RARB: variants seen among roughly 807,000 people sequenced by gnomAD.
RARB encodes retinoic acid receptor beta.
A neutral mutation model predicts 51.9 loss-of-function variants in RARB; 17 were observed. That is an observed-to-expected ratio of 0.33 (90% CI 0.22 to 0.49). The LOEUF is 0.49. Ranked by LOEUF, RARB falls within the 20% of genes least tolerant of loss-of-function variation. RARB has a pLI of 0.99. For synonymous variants in RARB, 215 were observed against 195.4 expected (o/e 1.10, Z -0.84); for missense variants, 369 against 550.8 (o/e 0.67, Z 3.30).
chr3:25,210,447 A>T (rs1701664060), intron 5 of RARB, among the ~76,000 whole-genome samples: 1 of 150,282 alleles, frequency 6.7e-6, no homozygotes, highest in African/African-American at 2.4e-5. Flanking sequence ...CTTATGTGTT[A>T]TATATGGGTG....
At chr3:25,328,200 C>G (rs554599529) in intron 5 of RARB, among the ~76,000 whole-genome samples, 1 of 152,304 alleles carries the variant, frequency 6.6e-6, no homozygotes, top group African/African-American at 2.4e-5. Flanking sequence ...ACCTAGAGAT[C>G]AGGATAAACG....
intron 5 of RARB, among the ~76,000 whole-genome samples, chr3:25,365,524 C>T (rs1706092188): frequency 6.6e-6 from 1 of 152,098 alleles, no homozygotes. Flanking sequence ...ACCATTTATT[C>T]TGCTCACAGA....
chr3:25,216,146 C>A (rs1387258005), intron 5 of RARB, among the ~76,000 whole-genome samples: 1 of 152,140 alleles, frequency 6.6e-6, no homozygotes, highest in African/African-American at 2.4e-5. Context: ...CCTCAAACCA[C>A]CACCCATGGA....
At chr3:25,028,059 T>G (rs1697789411) in intron 2 of RARB, among the ~76,000 whole-genome samples, 1 of 152,184 alleles carries the variant, frequency 6.6e-6, no homozygotes, top group Non-Finnish European at 1.5e-5. Flanking sequence ...CACATTGTTA[T>G]CGGAGACATA....
intron 5 of RARB, among the ~76,000 whole-genome samples, chr3:25,377,845 A>AT (rs1237558873): frequency 6.6e-6 from 1 of 152,168 alleles, no homozygotes; most frequent in East Asian, 1.9e-4. Flanking sequence ...AATGGGGAAA[A>AT]TGAGGCCCTC....
In RARB at chr3:25,330,309, G is replaced by C. The variant is rs146987303; in HGVS notation, c.179-130884G>C. On this transcript the variant is annotated intron_variant, in intron 5 of 11. Transcript: ENST00000383772. Reference sequence around the variant, plus strand: ...AAGGGAAGCCCATCAGACTAACAGCGGATCTCTCGGCAGACACTCTGCAAG... The same window carrying C: ...AAGGGAAGCCCATCAGACTAACAGCCGATCTCTCGGCAGACACTCTGCAAG... Among the ~76,000 whole-genome samples, 285 of 152,230 alleles carry C rather than the reference G, an allele frequency of 1.9e-3. 1 individual carries two copies. Among genetic ancestry groups the C allele is most frequent in the African/African-American group, 6.6e-3 (275 of 41,516 alleles).
chr3:25,024,318 T>A (rs542597569), intron 2 of RARB, among the ~76,000 whole-genome samples: 12 of 152,206 alleles, frequency 7.9e-5, no homozygotes, highest in African/African-American at 2.9e-4. Context: ...TGACTGTTAG[T>A]TAATAAAACT....
intron 5 of RARB, among the ~76,000 whole-genome samples, chr3:25,357,167 C>A (rs1042640663): frequency 6.6e-6 from 1 of 152,194 alleles, no homozygotes; most frequent in African/African-American, 2.4e-5. Context: ...CACATCCTCT[C>A]CAGCATCTGT....
At chr3:25,501,367 C>G in intron 3 of RARB, 44 bp downstream of exon 3, 1 of 1,596,400 alleles carries the variant, frequency 6.3e-7, no homozygotes, top group East Asian at 2.3e-5. Context: ...TTCCTTATCT[C>G]TGTGATTTGC....
Position 25,589,747 on chromosome 3 carries a change from T to G in RARB, c.787-3756T>G, listed in dbSNP as rs183729544. 4.6e-5 allele frequency among the ~76,000 whole-genome samples: 7 copies of G among 152,358 alleles called. No individual in the cohort carries two copies. The East Asian group carries it at 1.4e-3, about 29-fold the overall frequency. Reference sequence around the variant, plus strand: ...TTTTTGCCCTGAGGAGGATCAACTTTGACCATCAACTGGAGCTTTGTGTTG... The same window carrying G: ...TTTTTGCCCTGAGGAGGATCAACTTGGACCATCAACTGGAGCTTTGTGTTG... On this transcript the variant is annotated intron_variant, in intron 5 of 7. Transcript: ENST00000330688.
chr3:25,189,154 T>G (rs566395668), intron 5 of RARB, among the ~76,000 whole-genome samples: 1 of 152,168 alleles, frequency 6.6e-6, no homozygotes, highest in Non-Finnish European at 1.5e-5. Flanking sequence ...TGTTTGTGTT[T>G]TTAATATCAT....
chr3:24,993,500 TATC>T (rs752119457), intron 2 of RARB, among the ~76,000 whole-genome samples: 9 of 152,184 alleles, frequency 5.9e-5, no homozygotes, highest in East Asian at 3.8e-4. Context: ...ATTAGCATAT[TATC>T]TGAAATATTG....
At chr3:25,080,580 T>C (rs1234388651) in intron 3 of RARB, among the ~76,000 whole-genome samples, 1 of 152,202 alleles carries the variant, frequency 6.6e-6, no homozygotes, top group Admixed American at 6.5e-5. Flanking sequence ...TCAGCACTTA[T>C]TTTGTATTGT....
chr3:25,083,262 C>T (rs1212788909), intron 3 of RARB, among the ~76,000 whole-genome samples: 2 of 152,020 alleles, frequency 1.3e-5, no homozygotes, highest in African/African-American at 4.8e-5. Context: ...CCAAATCTGT[C>T]TTTTCTTAGG....
intron 5 of RARB, among the ~76,000 whole-genome samples, chr3:25,208,591 GCT>G (rs1701617791): frequency 6.6e-6 from 1 of 151,920 alleles, no homozygotes; most frequent in African/African-American, 2.4e-5. Flanking sequence ...GTTCCCTTCC[GCT>G]CTCTTTGTCT....
chr3:24,845,712 A>G (rs1327120599), intron 1 of RARB, among the ~76,000 whole-genome samples: 2 of 152,016 alleles, frequency 1.3e-5, no homozygotes, highest in Non-Finnish European at 2.9e-5. Context: ...AAGGTTTGAC[A>G]TTCCCTCCCC....
chr3:25,001,001 G>T (rs1212510843), intron 2 of RARB, among the ~76,000 whole-genome samples: 1 of 151,918 alleles, frequency 6.6e-6, no homozygotes, highest in East Asian at 1.9e-4. Flanking sequence ...TGAAAGAGAG[G>T]CCCCACCAAA....
At chr3:25,093,945 A>G (rs929028487) in intron 3 of RARB, among the ~76,000 whole-genome samples, 7 of 152,252 alleles carry the variant, frequency 4.6e-5, no homozygotes, top group Admixed American at 3.3e-4. Context: ...ATAATAAAAC[A>G]CATATACACA....
chr3:25,025,109 A>C (rs993287485), intron 2 of RARB: 6 of 152,218 alleles, frequency 3.9e-5, no homozygotes, highest in Non-Finnish European at 7.3e-5. Flanking sequence ...TGGTTAGAGA[A>C]ATCCATGTCT....
Sources: allele counts gnomAD v4.1 joint callset (sites outside exome capture counted in the v4.1 genomes callset), GRCh38; gene constraint gnomAD v4.1.1; transcripts MANE v1.5; gene names NCBI Gene and HGNC (gene_info 2026-07-23, HGNC 2026-07-21).